Variants in DMD observed in about 807,000 individuals in gnomAD.
DMD encodes the protein mutant dystrophin.
DMD carries 63 observed loss-of-function variants against 330.1 expected under a neutral mutation model. The observed-to-expected ratio is 0.19, with a 90% CI of 0.16 to 0.24. The LOEUF is 0.24. DMD is among the 10% of genes least tolerant of loss of function. The pLI is 1.00. For missense variants in DMD, 3,344 were observed against 2,684.1 expected, an observed-to-expected ratio of 1.25 and a Z score of -5.43; for synonymous variants, 1,223 against 959.8, an observed-to-expected ratio of 1.27 and a Z score of -5.07.
chrX:32,386,249 G>A lies in DMD; in HGVS notation c.4674+61C>T, dbSNP rs1002964947. 1.1e-4 allele frequency: 125 copies of A among 1,167,169 alleles called. No homozygotes were observed. In the Middle Eastern group the frequency reaches 1.2e-3, roughly 11 times the overall value. On this transcript the variant is annotated intron_variant, in intron 33 of 78. Coordinates refer to ENST00000357033, the MANE Select transcript of DMD (RefSeq NM_004006.3). ...TCTAATCATACATAATTTATTGCCC[G>A]TTGCTTTACAATTTATAAGGAAAGT...
chrX:32,025,785 T>C (rs2095841867), intron 44 of DMD, among the ~76,000 whole-genome samples: 1 of 111,825 alleles, frequency 8.9e-6, no homozygotes, highest in Admixed American at 9.5e-5. Flanking sequence ...AGCACCTTCA[T>C]GACCTTGAGA....
chrX:31,254,917 C>T (rs1283207901), intron 63 of DMD, among the ~76,000 whole-genome samples: 1 of 108,045 alleles, frequency 9.3e-6, no homozygotes, highest in African/African-American at 3.4e-5. Flanking sequence ...CGGTGGCACA[C>T]GGCTATAGTC....
At chrX:31,692,269 T>C (rs2083174899) in intron 52 of DMD, among the ~76,000 whole-genome samples, 1 of 110,859 alleles carries the variant, frequency 9.0e-6, no homozygotes, top group Non-Finnish European at 1.9e-5. Flanking sequence ...GCAAAAGCAG[T>C]GCTAAGAGGG....
chrX:33,178,865 T>C (rs2049817193), intron 1 of DMD, among the ~76,000 whole-genome samples: 1 of 112,196 alleles, frequency 8.9e-6, no homozygotes, highest in African/African-American at 3.2e-5. Context: ...TTATTACCAC[T>C]GGGATAAAAA....
intron 9 of DMD, among the ~76,000 whole-genome samples, chrX:32,673,071 G>A (rs2061731923): frequency 9.0e-6 from 1 of 111,350 alleles, no homozygotes; most frequent in African/African-American, 3.3e-5. Flanking sequence ...GCGTGTGTGT[G>A]TCTGCATATT....
chrX:32,186,686 G>A (rs745543072), intron 44 of DMD, among the ~76,000 whole-genome samples: 20 of 110,955 alleles, frequency 1.8e-4, no homozygotes, highest in Non-Finnish European at 3.0e-4. Flanking sequence ...ATGCTAGATT[G>A]CTGTTTTGCT....
chrX:31,573,351 C>CA (rs760733625), intron 55 of DMD, among the ~76,000 whole-genome samples: 1 of 111,861 alleles, frequency 8.9e-6, no homozygotes, highest in African/African-American at 3.2e-5. Context: ...CTATAACACT[C>CA]AGATATTGGC....
At chrX:31,912,856 C>T (rs538038556) in intron 47 of DMD, among the ~76,000 whole-genome samples, 1 of 112,620 alleles carries the variant, frequency 8.9e-6, no homozygotes, top group South Asian at 3.7e-4. Context: ...TGAACTTGGC[C>T]ATATGCCTGG....
chrX:32,991,664 A>G (rs1351055762), intron 2 of DMD, among the ~76,000 whole-genome samples: 1 of 112,187 alleles, frequency 8.9e-6, no homozygotes, highest in East Asian at 2.8e-4. Flanking sequence ...CATATGTCAT[A>G]TAAGGTTGTA....
At chrX:32,119,278 G>C (rs1044458842) in intron 44 of DMD, among the ~76,000 whole-genome samples, 4 of 104,713 alleles carry the variant, frequency 3.8e-5, no homozygotes, top group Admixed American at 1.0e-4. Flanking sequence ...AGGTTTCAGT[G>C]AGCTTAGATC....
chrX:31,543,277 T>G (rs2073949808), intron 55 of DMD, among the ~76,000 whole-genome samples: 1 of 111,783 alleles, frequency 8.9e-6, no homozygotes, highest in African/African-American at 3.3e-5. Flanking sequence ...TTCAAGTGAT[T>G]CTCCTGCTTC....
intron 42 of DMD, among the ~76,000 whole-genome samples, chrX:32,288,710 A>G (rs955074115): frequency 2.1e-4 from 24 of 112,295 alleles, no homozygotes; most frequent in South Asian, 3.7e-4. Context: ...AACACTTTAT[A>G]CAAATAATCA....
intron 61 of DMD, among the ~76,000 whole-genome samples, chrX:31,338,309 C>CAAAAAA (rs752828727): frequency 5.6e-5 from 3 of 53,389 alleles, no homozygotes; most frequent in African/African-American, 7.5e-5. Flanking sequence ...AGTAAAAATA[C>CAAAAAA]AAAAAAAAAA....
intron 55 of DMD, among the ~76,000 whole-genome samples, chrX:31,515,049 A>T (rs1200066713): frequency 9.0e-6 from 1 of 111,321 alleles, no homozygotes; most frequent in South Asian, 3.9e-4. Context: ...TCGAATATTA[A>T]ATTTGTACTA....
At chrX:32,490,294 C>A (rs1165049480) in intron 20 of DMD, among the ~76,000 whole-genome samples, 1 of 111,831 alleles carries the variant, frequency 8.9e-6, no homozygotes. Flanking sequence ...TCATTCCCCG[C>A]GAAAAGCACA....
chrX:32,210,717 T>C (rs1474312287), intron 44 of DMD, among the ~76,000 whole-genome samples: 1 of 111,859 alleles, frequency 8.9e-6, no homozygotes, highest in Non-Finnish European at 1.9e-5. Flanking sequence ...CTGTAGCAGA[T>C]ACTGTCAGTG....
chrX:32,614,474 T>C (rs1247174309), intron 11 of DMD, 21 bp from the exon 12 acceptor site: 1 of 1,173,520 alleles, frequency 8.5e-7, no homozygotes, highest in East Asian at 3.0e-5. Context: ...GAAAGAAGCC[T>C]ATTATGACCT....
rs1569523701 is a variant in DMD at position 31,310,203 on chromosome X, CTCCATATAT to C, written c.9224+13386_9224+13394del. On this transcript the variant is annotated intron_variant, in intron 62 of 78. Transcript: ENST00000357033. ...TCTCTCTCTCTCTCTCTCTCTCTCT[CTCCATATAT>C]ATATATATATATATGTGTGTGTGTC... is the stretch of plus-strand genomic sequence containing the variant. Among the ~76,000 whole-genome samples, 7 of 91,481 alleles carry C rather than the reference CTCCATATAT, an allele frequency of 7.7e-5. No homozygotes were observed. In the East Asian group the frequency reaches 1.4e-3, roughly 18 times the overall value. The allele number at this position is 91,481 out of a possible 115,157, so 79.4% of individuals were successfully genotyped here.
intron 1 of DMD, among the ~76,000 whole-genome samples, chrX:33,081,545 T>G (rs1007255505): frequency 2.2e-4 from 25 of 111,985 alleles, no homozygotes; most frequent in Non-Finnish European, 3.2e-4. Context: ...AAGTGCAGCC[T>G]CCCAAAGTGC....
Sources: allele counts gnomAD v4.1 joint callset (sites outside exome capture counted in the v4.1 genomes callset), GRCh38; gene constraint gnomAD v4.1.1; transcripts MANE v1.5; gene names NCBI Gene and HGNC (gene_info 2026-07-23, HGNC 2026-07-21).